Variants in BET1 observed in about 807,000 individuals in gnomAD.
BET1 encodes the protein Bet1 golgi vesicular membrane trafficking protein.
BET1 carries 9 observed loss-of-function variants against 13.9 expected under a neutral mutation model. The ratio of observed to expected loss-of-function variants is 0.65; its 90% confidence interval spans 0.39 to 1.13. The LOEUF is 1.13. BET1 is among the 50% of genes most tolerant of loss of function. The probability of loss-of-function intolerance (pLI) is 0.01; values close to 1 mark genes in which losing one functional copy is unlikely to be tolerated. For synonymous variants in BET1, 39 were observed against 47.3 expected (o/e 0.82, Z 0.72); for missense variants, 127 against 133.6 (o/e 0.95, Z 0.24).
At chr7:93,963,446 T>C (rs1401887588) in exon 7 of BET1, 2 of 152,054 alleles carry the variant, frequency 1.3e-5, no homozygotes, top group African/African-American at 4.8e-5. Flanking sequence ...TCATAGCACT[T>C]ATCATTTGAC....
At chr7:93,980,789 T>A (rs1262951777) in intron 4 of BET1, among the ~76,000 whole-genome samples, 1 of 152,140 alleles carries the variant, frequency 6.6e-6, no homozygotes, top group Non-Finnish European at 1.5e-5. Flanking sequence ...GAAAAATTTT[T>A]AAACGCATCC....
chr7:93,974,025 A>C (rs1795299683), intron 5 of BET1, among the ~76,000 whole-genome samples: 1 of 151,992 alleles, frequency 6.6e-6, no homozygotes, highest in African/African-American at 2.4e-5. Context: ...ATATTTCAGA[A>C]GCTATTTTCT....
intron 6 of BET1, among the ~76,000 whole-genome samples, chr7:93,966,888 T>C (rs1029306715): frequency 9.2e-5 from 14 of 151,974 alleles, no homozygotes; most frequent in African/African-American, 3.4e-4. Context: ...GTTCTTCTGT[T>C]TTAGTCTAAA....
chr7:93,978,681 A>C (rs1795378175), intron 4 of BET1, among the ~76,000 whole-genome samples: 1 of 152,200 alleles, frequency 6.6e-6, no homozygotes, highest in Admixed American at 6.6e-5. Context: ...CCCAAGTTTT[A>C]GTAATTTAAA....
intron 1 of BET1, chr7:94,000,378 G>A (rs1795872545): frequency 3.3e-5 from 5 of 151,964 alleles, no homozygotes; most frequent in Admixed American, 2.0e-4. Flanking sequence ...CCCCCAAAGT[G>A]CTGGGATTAC....
At chr7:93,970,030 AG>A (rs752690484) in intron 6 of BET1, among the ~76,000 whole-genome samples, 11 of 151,808 alleles carry the variant, frequency 7.2e-5, no homozygotes, top group Non-Finnish European at 1.3e-4. Flanking sequence ...TCAATTGCTA[AG>A]TGTTTTTAGT....
intron 1 of BET1, among the ~76,000 whole-genome samples, chr7:94,002,754 C>G (rs539858637): frequency 1.1e-4 from 16 of 152,150 alleles, no homozygotes; most frequent in Non-Finnish European, 1.5e-5. Context: ...ATCCCGAATC[C>G]CCTACTTCAC....
At chr7:93,990,460 T>C (rs1053364148), downstream of BET1, among the ~76,000 whole-genome samples, 10 of 152,098 alleles carry the variant, frequency 6.6e-5, no homozygotes, top group African/African-American at 2.2e-4. Flanking sequence ...CTGTTGTATA[T>C]AGACATTTTT....
At chr7:93,996,175 T>A in intron 3 of BET1, 90 bp downstream of exon 3, 1 of 956,598 alleles carries the variant, frequency 1.0e-6, no homozygotes, top group Admixed American at 2.2e-5. Flanking sequence ...GGACTTACGA[T>A]CTCTGTATTT....
chr7:93,984,023 A>T (rs763216847), intron 4 of BET1, among the ~76,000 whole-genome samples: 8 of 152,186 alleles, frequency 5.3e-5, no homozygotes, highest in Admixed American at 6.5e-5. Flanking sequence ...GAAATTGATT[A>T]TCCCACAATT....
intron 3 of BET1, among the ~76,000 whole-genome samples, chr7:93,994,900 G>A (rs1158131025): frequency 6.6e-6 from 1 of 152,222 alleles, no homozygotes; most frequent in African/African-American, 2.4e-5. Context: ...CTGGAGTGCA[G>A]TGGTGCAATC....
chr7:93,994,259 T>C lies in BET1; in HGVS notation c.328A>G (p.Ile110Val), dbSNP rs1182744095. The change falls in exon 4 of 4, where the codon ATC becomes GTC. Residue 110 changes from isoleucine (I) to valine (V), a missense_variant. Ile to Val is a conservative substitution (Grantham distance 29). Transcript: ENST00000222547. ...CTCAGTTTAATAATCCAATAAATGATAAAAAAGACAAATAAAGAAAACAGC... is the reference window on the plus strand; with the variant it reads ...CTCAGTTTAATAATCCAATAAATGACAAAAAAGACAAATAAAGAAAACAGC... Reference protein sequence around the residue: ...MMLFSLFVFFIIYWIIKLR With the variant: ...MMLFSLFVFFVIYWIIKLR 3.7e-6 allele frequency: 6 copies of C among 1,608,018 alleles called. No homozygotes were observed. In the African/African-American group the frequency reaches 6.7e-5, roughly 18 times the overall value.
exon 7 of BET1, chr7:93,965,518 TATC>T (rs1334535105): frequency 6.6e-6 from 1 of 152,058 alleles, no homozygotes; most frequent in Non-Finnish European, 1.5e-5. Context: ...ATAAGTATAA[TATC>T]ATTGACAGGT....
At chr7:93,989,384 A>G (rs1008307442), downstream of BET1, among the ~76,000 whole-genome samples, 7 of 152,144 alleles carry the variant, frequency 4.6e-5, no homozygotes, top group Non-Finnish European at 8.8e-5. Flanking sequence ...ATAGATTTGT[A>G]GTTTCTTTTT....
Position 93,981,574 on chromosome 7 carries a change from A to C in BET1, c.236-5474T>G, listed in dbSNP as rs541448550. 6.6e-5 allele frequency among the ~76,000 whole-genome samples: 10 copies of C among 152,318 alleles called. No individual in the cohort carries two copies. In the East Asian group the frequency reaches 1.7e-3, roughly 26 times the overall value. ...AAATGCAAAGAGAGCATACTACTTA[A>C]GCTGTCCACAGCCTCAAAGGAAAAA... On this transcript the variant is annotated intron_variant and NMD_transcript_variant, in intron 4 of 6. Transcript: ENST00000357520.
downstream of BET1, among the ~76,000 whole-genome samples, chr7:93,988,824 CCTTTT>C (rs1795574022): frequency 6.6e-6 from 1 of 151,520 alleles, no homozygotes; most frequent in Non-Finnish European, 1.5e-5. Flanking sequence ...CTCCTTCCTT[CCTTTT>C]CATTTTTGCC....
chr7:93,980,222 T>C (rs1226470579), intron 4 of BET1, among the ~76,000 whole-genome samples: 1 of 152,116 alleles, frequency 6.6e-6, no homozygotes, highest in African/African-American at 2.4e-5. Context: ...ATGTCAATCC[T>C]TCTCAAACTC....
intron 2 of BET1, among the ~76,000 whole-genome samples, chr7:93,998,632 G>A (rs564697098): frequency 6.6e-6 from 1 of 152,142 alleles, no homozygotes; most frequent in Admixed American, 6.5e-5. Flanking sequence ...CTAGGAGGCA[G>A]AGGTTGCAGT....
intron 6 of BET1, among the ~76,000 whole-genome samples, chr7:93,966,603 TC>T (rs1263910373): frequency 6.8e-6 from 1 of 147,712 alleles, no homozygotes; most frequent in African/African-American, 2.6e-5. Flanking sequence ...GAAAAATTCC[TC>T]TTTTTTTTTT....
Sources: gnomAD v4.1 joint callset for allele counts (sites outside exome capture counted in the v4.1 genomes callset) on GRCh38, gnomAD v4.1.1 for gene constraint, MANE v1.5 for transcripts, NCBI Gene and HGNC (gene_info 2026-07-23, HGNC 2026-07-21) for gene names.